The following GABRA1 variants were observed in gnomAD, a reference collection of about 807,000 sequenced individuals.
GABRA1 encodes gamma-aminobutyric acid receptor subunit alpha-1.
GABRA1 carries 9 observed loss-of-function variants against 48.9 expected under a neutral mutation model. That is an observed-to-expected ratio of 0.18 (90% CI 0.11 to 0.32). GABRA1 has a LOEUF of 0.32. GABRA1 is among the 10% of genes least tolerant of loss of function. The pLI is 1.00. For synonymous variants in GABRA1, 210 were observed against 198.7 expected (o/e 1.06, Z -0.48); for missense variants, 285 against 553.8 (o/e 0.51, Z 4.87).
At chr5:161,869,335 T>A (rs1754008827) in intron 4 of GABRA1, among the ~76,000 whole-genome samples, 1 of 152,188 alleles carries the variant, frequency 6.6e-6, no homozygotes, top group Non-Finnish European at 1.5e-5. Context: ...TTTAGCTAAG[T>A]ATTATTCTTG....
At chr5:161,884,350 A>G (rs1759691940) in intron 7 of GABRA1, among the ~76,000 whole-genome samples, 1 of 152,126 alleles carries the variant, frequency 6.6e-6, no homozygotes, top group Non-Finnish European at 1.5e-5. Context: ...CTGTCATGGA[A>G]CTTGAAGTCT....
chr5:161,883,407 A>G (rs1401181124), intron 7 of GABRA1, among the ~76,000 whole-genome samples: 1 of 152,150 alleles, frequency 6.6e-6, no homozygotes, highest in Non-Finnish European at 1.5e-5. Flanking sequence ...GAAAAGCTGG[A>G]CCCACATCTT....
At chr5:161,851,148 A>G (rs1398225948) in intron 2 of GABRA1, among the ~76,000 whole-genome samples, 2 of 152,190 alleles carry the variant, frequency 1.3e-5, no homozygotes, top group African/African-American at 4.8e-5. Flanking sequence ...CTCACTGTTC[A>G]GTTGGAACTG....
Position 161,858,097 on chromosome 5 carries a change from G to T in GABRA1, c.187+3827G>T, listed in dbSNP as rs115111067. On this transcript the variant is annotated intron_variant, in intron 3 of 9. Coordinates refer to ENST00000393943, the MANE Select transcript of GABRA1 (RefSeq NM_001127644.2). ...AAAACAGAGGAAATGAAAAATGAGA[G>T]GAATTAATCTCATGAGCCTGGGGAG... is the stretch of plus-strand genomic sequence containing the variant. 2.9e-3 allele frequency among the ~76,000 whole-genome samples: 446 copies of T among 151,456 alleles called. 2 individuals are homozygous for T. Among genetic ancestry groups the T allele is most frequent in the African/African-American group, 0.01 (422 of 41,408 alleles).
At chr5:161,856,923 C>T (rs1757669706) in intron 3 of GABRA1, among the ~76,000 whole-genome samples, 1 of 150,058 alleles carries the variant, frequency 6.7e-6, no homozygotes. Context: ...ATTATTGTGG[C>T]TTTTTTTTTA....
chr5:161,853,132 A>T lies in GABRA1; in HGVS notation c.75-1026A>T, dbSNP rs530824470. Among the ~76,000 whole-genome samples, 36 of 152,020 alleles carry T rather than the reference A, an allele frequency of 2.4e-4. 1 individual carries two copies. The South Asian group carries it at 6.8e-3, about 29-fold the overall frequency. ...GTAAATGTGATCCATCCTAAGATAG[A>T]AAACAATTCTCTCAAAGGATTTTGG... On this transcript the variant is annotated intron_variant, in intron 2 of 9. Transcript: ENST00000393943.
chr5:161,847,913 T>G (rs1045942676), upstream of GABRA1: 1 of 151,304 alleles, frequency 6.6e-6, no homozygotes, highest in Admixed American at 6.6e-5. Flanking sequence ...TACCCTTCCC[T>G]CCCCCATTGC....
chr5:161,848,909 C>T lies in GABRA1; in HGVS notation c.-16+487C>T. On this transcript the variant is annotated intron_variant, in intron 1 of 9. Transcript: ENST00000393943. ...CATCCTAGGGAAGGCACGCTCTTGT[C>T]CTGGCTGCAAAATTGCCTGTTTTTC... 4 of 452,554 alleles carry T rather than the reference C, an allele frequency of 8.8e-6. 1 individual carries two copies. The highest frequency in any genetic ancestry group is 4.2e-4 in the Middle Eastern group (1 of 2,358). The allele number at this position is 452,554 out of a possible 1,614,324, so 28.0% of individuals were successfully genotyped here. A position where few individuals can be genotyped will look rare whatever the true frequency, so the allele number is the denominator to read the frequency against.
chr5:161,897,097 C>T lies in GABRA1; in HGVS notation c.1060-14C>T, dbSNP rs1755401207. 1 of 1,613,394 alleles carries T rather than the reference C, an allele frequency of 6.2e-7. No individual in the cohort carries two copies. Among genetic ancestry groups the T allele is most frequent in the African/African-American group, 1.3e-5 (1 of 75,014 alleles). On this transcript the variant is annotated splice_polypyrimidine_tract_variant and intron_variant, in intron 9 of 9. Transcript: ENST00000393943. ...TGTTTACTAAACAAAATGCATTGCT[C>T]TTTCTTTCTACAGCCAAAGAAAGTA...
chr5:161,879,118 A>C (rs954044141), intron 6 of GABRA1, among the ~76,000 whole-genome samples: 1 of 152,066 alleles, frequency 6.6e-6, no homozygotes, highest in Non-Finnish European at 1.5e-5. Flanking sequence ...TTTATTAATT[A>C]ATGTTTTTGA....
chr5:161,875,263 ATTTGCTAT>A (rs1413849126), intron 5 of GABRA1, among the ~76,000 whole-genome samples: 9 of 152,170 alleles, frequency 5.9e-5, no homozygotes, highest in Admixed American at 5.9e-4. Flanking sequence ...TTCTCAAACC[ATTTGCTAT>A]AGCTGAGTGG....
At chr5:161,893,235 T>C (rs1459313132) in intron 8 of GABRA1, among the ~76,000 whole-genome samples, 1 of 152,024 alleles carries the variant, frequency 6.6e-6, no homozygotes, top group Non-Finnish European at 1.5e-5. Context: ...TCTTAACTTT[T>C]TCAGCAATCT....
intron 4 of GABRA1, among the ~76,000 whole-genome samples, chr5:161,866,723 C>T (rs1328478351): frequency 1.3e-5 from 2 of 152,064 alleles, no homozygotes; most frequent in African/African-American, 4.8e-5. Context: ...TGCCCAAGAC[C>T]TTTTTTGTCA....
chr5:161,853,595 G>T (rs1757534086), intron 2 of GABRA1: 1 of 151,774 alleles, frequency 6.6e-6, no homozygotes, highest in Admixed American at 6.6e-5. Context: ...ATCTTAAGAG[G>T]AATGGAAATT....
intron 7 of GABRA1, among the ~76,000 whole-genome samples, chr5:161,890,036 C>A (rs919507021): frequency 3.3e-5 from 5 of 151,930 alleles, no homozygotes; most frequent in Non-Finnish European, 7.4e-5. Context: ...GCTAAACAAT[C>A]CTAAGATTTT....
At chr5:161,893,443 A>G (rs1370419362) in intron 8 of GABRA1, among the ~76,000 whole-genome samples, 1 of 152,168 alleles carries the variant, frequency 6.6e-6, no homozygotes, top group African/African-American at 2.4e-5. Flanking sequence ...GTTTGAACTC[A>G]GCACATTTTT....
In GABRA1 at chr5:161,899,971, C is replaced by A. The variant is rs965387883; in HGVS notation, c.*2549C>A. On this transcript the variant is annotated 3_prime_UTR_variant, in exon 10 of 10. Transcript: ENST00000393943. ...ATAATAAAATGGAATACTTGACTCT[C>A]TTTTCATGTTTTGAAAGGACTTTTC... 6.6e-6 allele frequency: 1 copy of A among 152,150 alleles called. No individual in the cohort carries two copies. Among genetic ancestry groups the A allele is most frequent in the Non-Finnish European group, 1.5e-5 (1 of 68,018 alleles). 9.4% of individuals were successfully genotyped at this position (152,150 alleles called of 1,614,324 possible).
intron 1 of GABRA1, chr5:161,850,530 T>A (rs1757399566): frequency 1.9e-6 from 1 of 538,328 alleles, no homozygotes; most frequent in Non-Finnish European, 3.3e-6. Context: ...AGTTTTTATG[T>A]TGAGCAATAC....
At chr5:161,874,882 C>CA (rs754872409) in intron 5 of GABRA1, among the ~76,000 whole-genome samples, 233 of 147,908 alleles carry the variant, frequency 1.6e-3, no homozygotes, top group Middle Eastern at 3.5e-3. Flanking sequence ...CTTAGCAATC[C>CA]AAAAAAAAAC....
Sources: allele counts gnomAD v4.1 joint callset (sites outside exome capture counted in the v4.1 genomes callset), GRCh38; gene constraint gnomAD v4.1.1; transcripts MANE v1.5; gene names NCBI Gene and HGNC (gene_info 2026-07-23, HGNC 2026-07-21).